Variants in USP16 observed in about 807,000 individuals in gnomAD.
The protein encoded by USP16 is ubiquitin specific peptidase 16.
USP16 carries 77 observed loss-of-function variants against 95.9 expected under a neutral mutation model. The observed-to-expected ratio is 0.80, with a 90% CI of 0.67 to 0.97. The LOEUF is 0.97. Ranked by LOEUF, USP16 falls within the 50% of genes least tolerant of loss-of-function variation. The pLI is 0.00. For missense variants in USP16, 943 were observed against 959.9 expected, an observed-to-expected ratio of 0.98 and a Z score of 0.23; for synonymous variants, 303 against 318.2, an observed-to-expected ratio of 0.95 and a Z score of 0.51.
intron 15 of USP16, among the ~76,000 whole-genome samples, chr21:29,049,064 A>G (rs2054571301): frequency 6.6e-6 from 1 of 152,202 alleles, no homozygotes; most frequent in African/African-American, 2.4e-5. Flanking sequence ...GATTTCCTAG[A>G]ACTCATTTAT....
At chr21:29,034,726 T>G in intron 3 of USP16, 111 bp from the exon 4 acceptor site, 14 of 983,588 alleles carry the variant, frequency 1.4e-5, no homozygotes, top group Non-Finnish European at 2.0e-5. Context: ...TTTTCAAGAT[T>G]GTAAGAATGG....
At chr21:29,050,431 G>A (rs990496951) in intron 16 of USP16, among the ~76,000 whole-genome samples, 14 of 152,160 alleles carry the variant, frequency 9.2e-5, no homozygotes, top group Admixed American at 3.3e-4. Context: ...TAAAACTAAA[G>A]GTGAGCAGAT....
chr21:29,049,745 G>C (rs2085385809), intron 15 of USP16, among the ~76,000 whole-genome samples: 1 of 152,104 alleles, frequency 6.6e-6, no homozygotes, highest in African/African-American at 2.4e-5. Flanking sequence ...TTTTTTTGTA[G>C]AGACAGAGTC....
chr21:29,026,518 C>G (rs1441659204), intron 1 of USP16: 2 of 148,296 alleles, frequency 1.3e-5, no homozygotes, highest in Non-Finnish European at 3.0e-5. Flanking sequence ...GTCTTGAAAC[C>G]CAAACATCTG....
chr21:29,035,620 T>C (rs2085143286), intron 4 of USP16, among the ~76,000 whole-genome samples: 1 of 151,990 alleles, frequency 6.6e-6, no homozygotes, highest in Non-Finnish European at 1.5e-5. Context: ...GATCCCCTTG[T>C]GATCCGCATG....
chr21:29,034,759 T>C, intron 3 of USP16, 78 bp from the exon 4 acceptor site: 1 of 1,297,558 alleles, frequency 7.7e-7, no homozygotes, highest in Non-Finnish European at 1.1e-6. Context: ...AGCCACTTCC[T>C]TGTTTATGAT....
rs199655977 is a variant in USP16 at position 29,054,053 on chromosome 21, T to G, written c.2351-13T>G. ...TTTCCATTTATGTTTGATTTTTCATTTTCTCATGACAGATTTTGAAATGGA... is the reference window on the plus strand; with the variant it reads ...TTTCCATTTATGTTTGATTTTTCATGTTCTCATGACAGATTTTGAAATGGA... On this transcript the variant is annotated splice_polypyrimidine_tract_variant and intron_variant, in intron 17 of 17. Transcript: ENST00000399976. The G allele has an allele frequency of 8.7e-6, 14 of 1,614,078 alleles. No individual in the cohort carries two copies. The South Asian group carries it at 1.2e-4, about 14-fold the overall frequency.
intron 13 of USP16, among the ~76,000 whole-genome samples, chr21:29,044,806 A>T (rs1033733606): frequency 1.7e-4 from 26 of 151,472 alleles, no homozygotes; most frequent in Non-Finnish European, 2.5e-4. Context: ...TGTGTTATGG[A>T]TGTGCCATAA....
chr21:29,037,316 A>G lies in USP16; in HGVS notation c.489A>G (p.Lys163=). 6.4e-7 allele frequency: 1 copy of G among 1,567,550 alleles called. No homozygotes were observed. Among genetic ancestry groups the G allele is most frequent in the Middle Eastern group, 1.7e-4 (1 of 5,792 alleles). ...DNGNIELENK[K]LEKESKNEQE... ...GAAATATTGAACTTGAAAATAAAAA[A>G]TTAGAAAAAGAGAGTAAGAATGAAC... is the stretch of plus-strand genomic sequence containing the variant. Residue 163 remains lysine, a synonymous_variant, in exon 6 of 18, where the codon AAA becomes AAG. Transcript: ENST00000399976.
chr21:29,041,748 T>C (rs562843017), intron 10 of USP16, among the ~76,000 whole-genome samples: 1 of 152,300 alleles, frequency 6.6e-6, no homozygotes, highest in African/African-American at 2.4e-5. Flanking sequence ...CACAGTTTAC[T>C]TCCCACTGAC....
chr21:29,047,194 T>G lies in USP16; in HGVS notation c.1884T>G (p.Thr628=). ...TTGCAAACAGGGAAGTTTTCAATAC[T>G]GATGAGTGTTCAATCCAACATTGTT... The part of the protein sequence containing the change: ...CTLANREVFN[T]DECSIQHCLY... The change falls in exon 14 of 18, where the codon ACT becomes ACG. Residue 628 remains threonine, a synonymous_variant. Coordinates refer to ENST00000399976, the MANE Select transcript of USP16 (RefSeq NM_006447.3). 1 of 1,614,204 alleles carries G rather than the reference T, an allele frequency of 6.2e-7. No homozygotes were observed. The highest frequency in any genetic ancestry group is 8.5e-7 in the Non-Finnish European group (1 of 1,180,026).
chr21:29,027,442 T>C lies in USP16; in HGVS notation c.-41-431T>C, dbSNP rs145351174. Among the ~76,000 whole-genome samples the C allele has an allele frequency of 3.1e-3, 473 of 152,354 alleles. 1 individual carries two copies. The highest frequency in any genetic ancestry group is 0.011 in the African/African-American group (455 of 41,578). On this transcript the variant is annotated intron_variant, in intron 1 of 17. Transcript: ENST00000399976. ...TTATTTTTAATTTTTATTAGAGAAA[T>C]TATCAGTTTAATTTGCATAGACTGC...
chr21:29,030,492 T>A (rs1394408604), intron 2 of USP16, 103 bp from the exon 3 acceptor site: 17 of 1,067,608 alleles, frequency 1.6e-5, no homozygotes, highest in Admixed American at 3.4e-5. Context: ...GTTTATAGAG[T>A]AAATTTCATT....
Position 29,037,482 on chromosome 21 carries a change from C to G in USP16, c.636+19C>G, listed in dbSNP as rs1207474404. The G allele has an allele frequency of 2.6e-6, 4 of 1,510,310 alleles. No individual in the cohort carries two copies. The African/African-American group carries it at 4.3e-5, about 16-fold the overall frequency. 93.6% of individuals were successfully genotyped at this position (1,510,310 alleles called of 1,614,324 possible). A position where few individuals can be genotyped will look rare whatever the true frequency, so the allele number is the denominator to read the frequency against. ...TATGCAGGTACATTGTCATTTTTTT[C>G]CCTTTAAAAAAGCTGTCCTTTTCCT... On this transcript the variant is annotated intron_variant, in intron 6 of 17. Transcript: ENST00000399976.
In USP16 at chr21:29,054,355, G is replaced by A; in HGVS notation, c.*168G>A. 4.5e-6 allele frequency: 4 copies of A among 891,108 alleles called. No individual in the cohort carries two copies. Among genetic ancestry groups the A allele is most frequent in the Non-Finnish European group, 6.5e-6 (4 of 612,304 alleles). The allele number at this position is 891,108 out of a possible 1,614,324, so 55.2% of individuals were successfully genotyped here. A position where few individuals can be genotyped will look rare whatever the true frequency, so the allele number is the denominator to read the frequency against. ...GGAAAAATACCTAAAAATGTACAAA[G>A]GTTTTATATTGTCATAGTGGTTTTT... On this transcript the variant is annotated 3_prime_UTR_variant, in exon 18 of 18. Coordinates refer to ENST00000399976, the MANE Select transcript of USP16 (RefSeq NM_006447.3).
chr21:29,037,600 T>C, intron 6 of USP16, 137 bp downstream of exon 6: 1 of 744,798 alleles, frequency 1.3e-6, no homozygotes, highest in Non-Finnish European at 2.0e-6. Flanking sequence ...TTTTTTTTTT[T>C]TTTTGAGACA....
intron 2 of USP16, among the ~76,000 whole-genome samples, chr21:29,029,649 A>G (rs1480177247): frequency 2.0e-5 from 3 of 152,162 alleles, no homozygotes; most frequent in Non-Finnish European, 2.9e-5. Flanking sequence ...CTTGGCCCCA[A>G]CAGAGTTTTC....
intron 8 of USP16, 94 bp from the exon 9 acceptor site, chr21:29,039,387 C>A (rs1370087741): frequency 3.6e-6 from 5 of 1,371,622 alleles, no homozygotes; most frequent in Non-Finnish European, 5.0e-6. Flanking sequence ...CCAGAACTCT[C>A]TGAGATTTGG....
At chr21:29,053,166 A>G (rs2146405510) in intron 16 of USP16, 1 of 152,522 alleles carries the variant, frequency 6.6e-6, no homozygotes, top group South Asian at 2.1e-4. Context: ...TATAGGAGAC[A>G]GTACTACTGA....
Sources: gnomAD v4.1 joint callset for allele counts (sites outside exome capture counted in the v4.1 genomes callset) on GRCh38, gnomAD v4.1.1 for gene constraint, MANE v1.5 for transcripts, NCBI Gene and HGNC (gene_info 2026-07-23, HGNC 2026-07-21) for gene names.